PTBP2: variants seen among roughly 807,000 people sequenced by gnomAD.
The protein encoded by PTBP2 is polypyrimidine tract-binding protein 2.
PTBP2 carries 13 observed loss-of-function variants against 61.4 expected under a neutral mutation model. That is an observed-to-expected ratio of 0.21 (90% CI 0.14 to 0.34). The LOEUF (loss-of-function observed/expected upper bound fraction) is 0.34, where lower values mean the gene tolerates loss of function less well. Among genes scored for constraint, PTBP2 ranks in the 10% least tolerant of loss-of-function variants. The pLI, the probability that PTBP2 is intolerant of heterozygous loss-of-function variation, is 1.00. For missense variants in PTBP2, 405 were observed against 642.6 expected (o/e 0.63, Z 4.00); for synonymous variants, 215 against 218.5 (o/e 0.98, Z 0.14).
intron 7 of PTBP2, among the ~76,000 whole-genome samples, chr1:96,779,329 A>C (rs137869254): frequency 1.3e-5 from 2 of 152,074 alleles, no homozygotes; most frequent in Non-Finnish European, 2.9e-5. Flanking sequence ...AATATAGTCT[A>C]CATTTTTCTT....
chr1:96,790,409 T>C (rs975482907), intron 8 of PTBP2, among the ~76,000 whole-genome samples: 1 of 152,122 alleles, frequency 6.6e-6, no homozygotes, highest in African/African-American at 2.4e-5. Flanking sequence ...TCTGATCCTT[T>C]CGTTACTTTT....
chr1:96,820,900 T>G (rs966325677), exon 14 of PTBP2: 8 of 152,220 alleles, frequency 5.3e-5, no homozygotes, highest in African/African-American at 1.9e-4. Flanking sequence ...AATGCTTATG[T>G]TGTGTTATAG....
intron 7 of PTBP2, among the ~76,000 whole-genome samples, chr1:96,781,784 C>A (rs1270076519): frequency 1.3e-5 from 2 of 151,918 alleles, no homozygotes; most frequent in Admixed American, 1.3e-4. Context: ...TAAACATTGA[C>A]ATTCAGGGTG....
intron 3 of PTBP2, among the ~76,000 whole-genome samples, chr1:96,755,831 A>C (rs550963287): frequency 6.6e-6 from 1 of 152,348 alleles, no homozygotes; most frequent in South Asian, 2.1e-4. Context: ...AGAGTGGGAA[A>C]GGACAGGCAG....
intron 2 of PTBP2, among the ~76,000 whole-genome samples, chr1:96,731,997 G>A (rs1433662114): frequency 1.3e-5 from 2 of 152,164 alleles, no homozygotes; most frequent in Non-Finnish European, 1.5e-5. Context: ...TAGATTTTAA[G>A]TATGGTGAAA....
chr1:96,792,198 A>G (rs1444686574), intron 8 of PTBP2, among the ~76,000 whole-genome samples: 1 of 152,164 alleles, frequency 6.6e-6, no homozygotes, highest in East Asian at 1.9e-4. Flanking sequence ...GTAGCTTAGA[A>G]TGAAATTGTC....
At position 96,806,817 on chromosome 1, in the gene PTBP2, C is replaced by G. The variant is rs764122031; in HGVS notation, c.1079-49C>G. The G allele has an allele frequency of 2.8e-6, 4 of 1,406,680 alleles. No homozygotes were observed. In the South Asian group the frequency reaches 4.8e-5, roughly 17 times the overall value. 87.1% of individuals were successfully genotyped at this position (1,406,680 alleles called of 1,614,324 possible). A position where few individuals can be genotyped will look rare whatever the true frequency, so the allele number is the denominator to read the frequency against. Reference sequence around the variant, plus strand: ...AAAGATAATCTTTAGGTGACTTCCACATAAAATTAATTCCATTTTTGGATT... The same window carrying G: ...AAAGATAATCTTTAGGTGACTTCCAGATAAAATTAATTCCATTTTTGGATT... On this transcript the variant is annotated intron_variant, in intron 10 of 13. Coordinates refer to ENST00000674951, the MANE Select transcript of PTBP2 (RefSeq NM_021190.4).
chr1:96,739,256 T>C (rs1228350196), intron 2 of PTBP2, among the ~76,000 whole-genome samples: 2 of 152,202 alleles, frequency 1.3e-5, no homozygotes, highest in African/African-American at 2.4e-5. Flanking sequence ...GATATTTTCT[T>C]GTTTCTTTAA....
downstream of PTBP2, chr1:96,817,965 T>C (rs1662545138): frequency 6.6e-6 from 1 of 152,098 alleles, no homozygotes; most frequent in African/African-American, 2.4e-5. Flanking sequence ...TTAACCAATT[T>C]TTAACAAGGA....
Position 96,770,360 on chromosome 1 carries a change from T to G in PTBP2, c.289-348T>G, listed in dbSNP as rs548574222. On this transcript the variant is annotated intron_variant, in intron 4 of 13. Transcript: ENST00000674951. Reference sequence around the variant, plus strand: ...CTTTGTCTCTATATAATTATACTGCTTTTAAAATGACTTGGAAATCTTACA... The same window carrying G: ...CTTTGTCTCTATATAATTATACTGCGTTTAAAATGACTTGGAAATCTTACA... Among the ~76,000 whole-genome samples the G allele has an allele frequency of 2.3e-4, 35 of 152,204 alleles. No homozygotes were observed. In the South Asian group the frequency reaches 6.8e-3, roughly 30 times the overall value.
intron 3 of PTBP2, among the ~76,000 whole-genome samples, chr1:96,768,994 T>A (rs1306294535): frequency 6.6e-6 from 1 of 152,030 alleles, no homozygotes; most frequent in Non-Finnish European, 1.5e-5. Flanking sequence ...CAAACCAGTT[T>A]TTTCACTTTT....
intron 2 of PTBP2, among the ~76,000 whole-genome samples, chr1:96,736,138 GAC>G (rs957417653): frequency 3.3e-5 from 5 of 152,116 alleles, no homozygotes; most frequent in African/African-American, 1.2e-4. Flanking sequence ...ACAAAATAAA[GAC>G]ACTTTTTGAA....
intron 7 of PTBP2, among the ~76,000 whole-genome samples, chr1:96,781,167 C>T (rs565563886): frequency 1.2e-4 from 18 of 152,052 alleles, no homozygotes; most frequent in African/African-American, 3.6e-4. Flanking sequence ...GCTTCTGGAC[C>T]GTCAATCATA....
chr1:96,780,893 A>G (rs548703798), intron 7 of PTBP2, among the ~76,000 whole-genome samples: 1 of 152,204 alleles, frequency 6.6e-6, no homozygotes, highest in Admixed American at 6.5e-5. Context: ...TTAACAAGCC[A>G]GTAAACATGG....
intron 2 of PTBP2, among the ~76,000 whole-genome samples, chr1:96,739,720 G>A (rs1002452308): frequency 2.1e-5 from 3 of 144,918 alleles, no homozygotes; most frequent in Admixed American, 7.4e-5. Flanking sequence ...TCCACCACCC[G>A]GGTTCACGCC....
intron 1 of PTBP2, 97 bp from the exon 2 acceptor site, chr1:96,723,466 AT>A: frequency 8.1e-6 from 8 of 989,714 alleles, no homozygotes; most frequent in Non-Finnish European, 1.1e-5. Context: ...TGGCTGGAAG[AT>A]TTATGAATGA....
chr1:96,820,417 A>G (rs1329012098), exon 14 of PTBP2: 1 of 152,144 alleles, frequency 6.6e-6, no homozygotes, highest in Non-Finnish European at 1.5e-5. Context: ...GAACAATTTA[A>G]GCATAATGTG....
chr1:96,743,323 G>A (rs950848125), intron 2 of PTBP2, among the ~76,000 whole-genome samples: 9 of 151,432 alleles, frequency 5.9e-5, no homozygotes, highest in African/African-American at 2.2e-4. Flanking sequence ...TGATTGTACC[G>A]CTGTGTTGTC....
intron 8 of PTBP2, among the ~76,000 whole-genome samples, chr1:96,789,137 A>G (rs1299428527): frequency 1.3e-5 from 2 of 152,080 alleles, no homozygotes; most frequent in South Asian, 2.1e-4. Flanking sequence ...TGATCATGTT[A>G]TCTACATTCT....
Sources: gnomAD v4.1 joint callset for allele counts (sites outside exome capture counted in the v4.1 genomes callset) on GRCh38, gnomAD v4.1.1 for gene constraint, MANE v1.5 for transcripts, NCBI Gene and HGNC (gene_info 2026-07-23, HGNC 2026-07-21) for gene names.